The following C16orf78 variants were observed in gnomAD, a reference collection of about 807,000 sequenced individuals.
The protein encoded by C16orf78 is chromosome 16 open reading frame 78.
C16orf78 carries 19 observed loss-of-function variants against 27.3 expected under a neutral mutation model. That is an observed-to-expected ratio of 0.70 (90% CI 0.49 to 1.02). The LOEUF (loss-of-function observed/expected upper bound fraction) is 1.02, where lower values mean the gene tolerates loss of function less well. C16orf78 is among the 50% of genes least tolerant of loss of function. The pLI, the probability that C16orf78 is intolerant of heterozygous loss-of-function variation, is 0.00. For synonymous variants in C16orf78, 130 were observed against 116.1 expected, an observed-to-expected ratio of 1.12 and a Z score of -0.77; for missense variants, 339 against 337.0, an observed-to-expected ratio of 1.01 and a Z score of -0.05.
At chr16:49,391,150 A>C (rs778916754) in intron 3 of C16orf78, among the ~76,000 whole-genome samples, 1 of 152,226 alleles carries the variant, frequency 6.6e-6, no homozygotes, top group Non-Finnish European at 1.5e-5. Flanking sequence ...AAGTTTTATG[A>C]AGGAAATTAC....
chr16:49,378,701 A>G lies in C16orf78; in HGVS notation c.394+108A>G. The G allele has an allele frequency of 1.3e-6, 2 of 1,492,052 alleles. No homozygotes were observed. The highest frequency in any genetic ancestry group is 4.4e-5 in the Admixed American group (2 of 45,440). The allele number at this position is 1,492,052 out of a possible 1,614,324, so 92.4% of individuals were successfully genotyped here. A position where few individuals can be genotyped will look rare whatever the true frequency, so the allele number is the denominator to read the frequency against. The stretch of plus-strand genomic sequence containing the variant: ...TCTTAGAGCAGTAGCGTCCACGTCA[A>G]TCCAACCATTGTGCACACAGGAGTC... On this transcript the variant is annotated intron_variant, in intron 3 of 4. Transcript: ENST00000299191.
intron 3 of C16orf78, among the ~76,000 whole-genome samples, chr16:49,386,877 T>C (rs2151613600): frequency 6.6e-6 from 1 of 152,370 alleles, no homozygotes; most frequent in African/African-American, 2.4e-5. Flanking sequence ...TTCCATGCTT[T>C]GCTTTTGTGA....
At position 49,375,258 on chromosome 16, in the gene C16orf78, T is replaced by G. The variant is rs1965199934; in HGVS notation, c.150+1169T>G. 2.0e-5 allele frequency among the ~76,000 whole-genome samples: 3 copies of G among 152,278 alleles called. No individual in the cohort carries two copies. In the South Asian group the frequency reaches 6.2e-4, roughly 32 times the overall value. On this transcript the variant is annotated intron_variant, in intron 1 of 4. Coordinates refer to ENST00000299191, the MANE Select transcript of C16orf78 (RefSeq NM_144602.4). ...CTTTGGGGAAAGCTTCCATTATGTT[T>G]GTGTGCTTACTTACTGTATTAGTCC...
intron 3 of C16orf78, among the ~76,000 whole-genome samples, chr16:49,385,301 T>A (rs926112155): frequency 2.6e-5 from 4 of 152,290 alleles, no homozygotes; most frequent in Admixed American, 1.3e-4. Flanking sequence ...TAAAATGGCA[T>A]GTGGAGTGTG....
At chr16:49,393,506 C>T (rs1003107384) in intron 3 of C16orf78, among the ~76,000 whole-genome samples, 7 of 152,056 alleles carry the variant, frequency 4.6e-5, no homozygotes, top group Non-Finnish European at 8.8e-5. Context: ...AATTAAGAAA[C>T]ACACTTCCAA....
At chr16:49,386,402 T>G (rs1965351676) in intron 3 of C16orf78, among the ~76,000 whole-genome samples, 1 of 152,222 alleles carries the variant, frequency 6.6e-6, no homozygotes, top group Admixed American at 6.5e-5. Context: ...TCTTCTCAAA[T>G]GTATGTAGAA....
chr16:49,393,155 C>A (rs152665), intron 3 of C16orf78, among the ~76,000 whole-genome samples: 46,320 of 151,978 alleles, frequency 0.3, 10,106 homozygotes, highest in African/African-American at 0.62. Context: ...AGAACAGACT[C>A]ATACAGCATA....
intron 3 of C16orf78, among the ~76,000 whole-genome samples, chr16:49,392,950 A>G (rs1237670109): frequency 6.6e-6 from 1 of 152,170 alleles, no homozygotes; most frequent in Non-Finnish European, 1.5e-5. Context: ...GATAGTGAAT[A>G]AGTCTCATGA....
chr16:49,385,874 C>A (rs1965344510), intron 3 of C16orf78, among the ~76,000 whole-genome samples: 1 of 152,042 alleles, frequency 6.6e-6, no homozygotes, highest in Non-Finnish European at 1.5e-5. Context: ...TTGATAATTA[C>A]TTTAAATATA....
At chr16:49,391,736 AC>A (rs1234811392) in intron 3 of C16orf78, among the ~76,000 whole-genome samples, 4 of 152,202 alleles carry the variant, frequency 2.6e-5, no homozygotes, top group Non-Finnish European at 2.9e-5. Context: ...AATTGTCATT[AC>A]TTTTTATATT....
chr16:49,385,405 G>C (rs950104485), intron 3 of C16orf78, among the ~76,000 whole-genome samples: 1 of 152,160 alleles, frequency 6.6e-6, no homozygotes, highest in Non-Finnish European at 1.5e-5. Flanking sequence ...AGGCACAGTG[G>C]CTCATGCCTA....
At chr16:49,384,382 T>C (rs1247961838) in intron 3 of C16orf78, among the ~76,000 whole-genome samples, 1 of 146,160 alleles carries the variant, frequency 6.8e-6, no homozygotes, top group Non-Finnish European at 1.5e-5. Flanking sequence ...GAAAACTAAT[T>C]CCTGGAGCTG....
chr16:49,373,833 C>A lies in C16orf78; in HGVS notation c.-107C>A. On this transcript the variant is annotated 5_prime_UTR_variant, in exon 1 of 5. Coordinates refer to ENST00000299191, the MANE Select transcript of C16orf78 (RefSeq NM_144602.4). ...TGCCCTTTATGTTCACATCTGGAGG[C>A]CACACCCTACCTTCTAAGTCACCAG... The A allele has an allele frequency of 7.2e-7, 1 of 1,392,222 alleles. No homozygotes were observed. The highest frequency in any genetic ancestry group is 1.3e-5 in the South Asian group (1 of 75,014). 86.2% of individuals were successfully genotyped at this position (1,392,222 alleles called of 1,614,324 possible).
At chr16:49,395,226 C>G (rs1353489382) in intron 3 of C16orf78, among the ~76,000 whole-genome samples, 1 of 152,130 alleles carries the variant, frequency 6.6e-6, no homozygotes, top group Non-Finnish European at 1.5e-5. Flanking sequence ...AAACAGTAGA[C>G]TTTTCTCTAC....
chr16:49,388,710 T>C (rs919265034), intron 3 of C16orf78, among the ~76,000 whole-genome samples: 4 of 152,114 alleles, frequency 2.6e-5, no homozygotes, highest in African/African-American at 9.7e-5. Flanking sequence ...GACGAGGTTT[T>C]GACATGTTAT....
At chr16:49,387,614 G>T (rs2151613846) in intron 3 of C16orf78, among the ~76,000 whole-genome samples, 1 of 152,286 alleles carries the variant, frequency 6.6e-6, no homozygotes, top group Admixed American at 6.5e-5. Flanking sequence ...AGTTTTAGTA[G>T]GAATGGTACC....
chr16:49,377,850 G>C lies in C16orf78; in HGVS notation c.270G>C (p.Gln90His). 1.3e-6 allele frequency: 2 copies of C among 1,569,192 alleles called. No individual in the cohort carries two copies. Among genetic ancestry groups the C allele is most frequent in the Non-Finnish European group, 1.7e-6 (2 of 1,156,106 alleles). ...GNRRDTETSQ[Q>H]ALGKRFRKDA... is the part of the protein sequence containing the mutation. ...GCAGGGACACGGAGACTTCCCAGCA[G>C]GTAATGCAGCCCCTCTTCCCCCACT... The change falls in exon 2 of 5, where the codon CAG becomes CAC. Residue 90 changes from glutamine to histidine, a missense_variant and splice_region_variant. Transcript: ENST00000299191.
chr16:49,374,542 A>T (rs1048960655), intron 1 of C16orf78, among the ~76,000 whole-genome samples: 3 of 152,250 alleles, frequency 2.0e-5, no homozygotes, highest in African/African-American at 7.2e-5. Context: ...ACCTGTCTAA[A>T]GTTTAGTCAA....
rs1233685970 is a variant in C16orf78, at chr16:49,396,437, G to A, written c.409G>A (p.Asp137Asn). ...GPKKSDTDIK[D>N]AVDPESTQRP... ...TCCAATTTCAGATACAGACATCAAG[G>A]ATGCAGTCGACCCAGAGTCCACTCA... The change falls in exon 4 of 5, where the codon GAT becomes AAT. Residue 137 changes from aspartate to asparagine, a missense_variant. Physicochemically the swap from Asp to Asn is conservative, Grantham distance 23. Coordinates refer to ENST00000299191, the MANE Select transcript of C16orf78 (RefSeq NM_144602.4). 1 of 1,614,070 alleles carries A rather than the reference G, an allele frequency of 6.2e-7. No individual in the cohort carries two copies.
Sources: gnomAD v4.1 joint callset for allele counts (sites outside exome capture counted in the v4.1 genomes callset) on GRCh38, gnomAD v4.1.1 for gene constraint, MANE v1.5 for transcripts, NCBI Gene and HGNC (gene_info 2026-07-23, HGNC 2026-07-21) for gene names.